Variants in MALRD1 observed in about 807,000 individuals in gnomAD.
MALRD1 encodes the protein MAM and LDL-receptor class A domain-containing protein 1.
In MALRD1, 247 loss-of-function variants were observed where a neutral mutation model predicts 242.1. That is an observed-to-expected ratio of 1.02 (90% CI 0.92 to 1.13). MALRD1 has a LOEUF of 1.13. MALRD1 is among the 50% of genes most tolerant of loss of function. The pLI is 0.00. For missense variants in MALRD1, 2,989 were observed against 2,533.1 expected (o/e 1.18, Z -3.86); for synonymous variants, 995 against 866.6 (o/e 1.15, Z -2.60).
At chr10:19,367,728 A>AACT (rs1412417173) in intron 26 of MALRD1, among the ~76,000 whole-genome samples, 3 of 152,072 alleles carry the variant, frequency 2.0e-5, no homozygotes, top group Non-Finnish European at 4.4e-5. Flanking sequence ...TCTCAAGAAG[A>AACT]GTGTATAAGA....
At chr10:19,577,481 A>G (rs1836887020) in intron 33 of MALRD1, among the ~76,000 whole-genome samples, 1 of 152,116 alleles carries the variant, frequency 6.6e-6, no homozygotes, top group Non-Finnish European at 1.5e-5. Flanking sequence ...CTGTTATACT[A>G]GGAGCTGGTT....
chr10:19,219,142 C>T (rs965945820), intron 18 of MALRD1, among the ~76,000 whole-genome samples: 2 of 151,950 alleles, frequency 1.3e-5, no homozygotes, highest in East Asian at 1.9e-4. Context: ...TTTTAGAGGG[C>T]ATTTGTAGAT....
chr10:19,414,798 C>A, intron 28 of MALRD1, among the ~76,000 whole-genome samples: 1 of 148,892 alleles, frequency 6.7e-6, no homozygotes, highest in Non-Finnish European at 1.5e-5. Flanking sequence ...GGACACCAGG[C>A]TAGCAATTTC....
At chr10:19,514,013 G>A (rs117464903) in intron 31 of MALRD1, among the ~76,000 whole-genome samples, 4,820 of 152,250 alleles carry the variant, frequency 0.032, 127 homozygotes, top group Middle Eastern at 0.078. Context: ...ACTTGTTAGA[G>A]TCCTTTCCGT....
At chr10:19,129,322 A>T (rs1488167393) in intron 8 of MALRD1, among the ~76,000 whole-genome samples, 1 of 152,108 alleles carries the variant, frequency 6.6e-6, no homozygotes, top group Non-Finnish European at 1.5e-5. Flanking sequence ...TACTCATGTT[A>T]CCCATTTAGT....
At chr10:19,303,203 A>G (rs893964138) in intron 21 of MALRD1, among the ~76,000 whole-genome samples, 1 of 151,704 alleles carries the variant, frequency 6.6e-6, no homozygotes, top group African/African-American at 2.4e-5. Context: ...AAAAGATAAT[A>G]TACTATCCCA....
intron 24 of MALRD1, among the ~76,000 whole-genome samples, chr10:19,336,257 A>G (rs1843607293): frequency 6.6e-6 from 1 of 152,324 alleles, no homozygotes; most frequent in Middle Eastern, 3.4e-3. Context: ...AGAGACTTCT[A>G]TGGGAAACAA....
At chr10:19,614,702 A>C (rs1839059070) in intron 35 of MALRD1, among the ~76,000 whole-genome samples, 1 of 152,000 alleles carries the variant, frequency 6.6e-6, no homozygotes, top group South Asian at 2.1e-4. Context: ...TTTAACCTAT[A>C]AGTAAACCAC....
At chr10:19,420,492 C>T (rs1833683588) in intron 28 of MALRD1, among the ~76,000 whole-genome samples, 1 of 151,990 alleles carries the variant, frequency 6.6e-6, no homozygotes, top group Non-Finnish European at 1.5e-5. Context: ...AATCACTATT[C>T]CCTACATCTA....
chr10:19,565,411 C>T (rs1277227126), intron 32 of MALRD1, among the ~76,000 whole-genome samples: 2 of 152,022 alleles, frequency 1.3e-5, no homozygotes, highest in African/African-American at 2.4e-5. Flanking sequence ...GTTACATTTT[C>T]ATGTAATTTG....
chr10:19,088,009 A>C lies in MALRD1; in HGVS notation c.436-15A>C, dbSNP rs1835733385. 1.6e-6 allele frequency: 2 copies of C among 1,233,246 alleles called. No individual in the cohort carries two copies. The allele number at this position is 1,233,246 out of a possible 1,614,324, so 76.4% of individuals were successfully genotyped here. ...TCTTTATCATAATTGTTTGGGTACT[A>C]ATTGTCTTTCACAGATTACATTTTA... is the stretch of plus-strand genomic sequence containing the variant. On this transcript the variant is annotated splice_polypyrimidine_tract_variant and intron_variant, in intron 3 of 39. Transcript: ENST00000454679.
At chr10:19,222,157 T>C (rs1043802527) in intron 18 of MALRD1, among the ~76,000 whole-genome samples, 4 of 152,062 alleles carry the variant, frequency 2.6e-5, no homozygotes, top group South Asian at 2.1e-4. Flanking sequence ...TTCCTTCTTG[T>C]TCCCTCCCTC....
chr10:19,701,676 T>G (rs1270383652), intron 38 of MALRD1, among the ~76,000 whole-genome samples: 1 of 148,816 alleles, frequency 6.7e-6, no homozygotes, highest in Non-Finnish European at 1.5e-5. Flanking sequence ...TCCCTTCCCT[T>G]CCCTTTCCTC....
chr10:19,196,539 T>G (rs1232133363), intron 14 of MALRD1, among the ~76,000 whole-genome samples: 1 of 64,704 alleles, frequency 1.5e-5, no homozygotes, highest in Admixed American at 2.0e-4. Flanking sequence ...ACTCTTTGTT[T>G]TTTTTTTTTT....
chr10:19,127,208 A>G (rs1837310389), intron 7 of MALRD1, among the ~76,000 whole-genome samples: 1 of 152,176 alleles, frequency 6.6e-6, no homozygotes, highest in South Asian at 2.1e-4. Context: ...AATAGTGTAC[A>G]GACTATTTTT....
At chr10:19,315,088 A>G (rs1376765280) in intron 21 of MALRD1, among the ~76,000 whole-genome samples, 1 of 142,030 alleles carries the variant, frequency 7.0e-6, no homozygotes, top group Non-Finnish European at 1.5e-5. Context: ...ATTTATAGAA[A>G]TATGTAAATA....
In MALRD1 at chr10:19,684,507, G is replaced by C. The variant is rs144268635; in HGVS notation, c.6138-7775G>C. Among the ~76,000 whole-genome samples, 180 of 152,268 alleles carry C rather than the reference G, an allele frequency of 1.2e-3. 3 individuals carry two copies. In the East Asian group the frequency reaches 0.028, roughly 24 times the overall value. ...ATGGTGGCTCATGCCTGTAATTCCA[G>C]CACTTGGGGAGGCTGGGGCAGATGA... On this transcript the variant is annotated intron_variant, in intron 36 of 39. Transcript: ENST00000454679.
intron 38 of MALRD1, among the ~76,000 whole-genome samples, chr10:19,706,999 C>T (rs1833893608): frequency 6.6e-6 from 1 of 151,778 alleles, no homozygotes; most frequent in Admixed American, 6.6e-5. Flanking sequence ...TCATCCTTCT[C>T]CTCCTCCTCC....
At chr10:19,718,731 TCTC>T (rs1191580718) in intron 38 of MALRD1, among the ~76,000 whole-genome samples, 5 of 152,194 alleles carry the variant, frequency 3.3e-5, no homozygotes, top group South Asian at 2.1e-4. Flanking sequence ...ATTTAACCAT[TCTC>T]CTATTATTAG....
Sources: gnomAD v4.1 joint callset for allele counts (sites outside exome capture counted in the v4.1 genomes callset) on GRCh38, gnomAD v4.1.1 for gene constraint, MANE v1.5 for transcripts, NCBI Gene and HGNC (gene_info 2026-07-23, HGNC 2026-07-21) for gene names.